The following PHKB variants were observed in gnomAD, a reference collection of about 807,000 sequenced individuals.
PHKB encodes phosphorylase kinase regulatory subunit beta, also known as phosphorylase b kinase regulatory subunit beta.
PHKB carries 122 observed loss-of-function variants against 152.1 expected under a neutral mutation model. The ratio of observed to expected loss-of-function variants is 0.80; its 90% CI spans 0.69 to 0.93. PHKB has a LOEUF of 0.93. Ranked by LOEUF, PHKB falls within the 40% of genes least tolerant of loss-of-function variation. The pLI is 0.00. For missense variants in PHKB, 1,304 were observed against 1,328.4 expected (o/e 0.98, Z 0.29); for synonymous variants, 436 against 464.9 (o/e 0.94, Z 0.80).
At chr16:47,535,282 G>A (rs1025398620) in intron 6 of PHKB, among the ~76,000 whole-genome samples, 3 of 152,204 alleles carry the variant, frequency 2.0e-5, no homozygotes, top group Non-Finnish European at 4.4e-5. Flanking sequence ...GAAATCATTT[G>A]TATAGTACCC....
intron 1 of PHKB, among the ~76,000 whole-genome samples, chr16:47,472,273 G>A (rs1266863654): frequency 6.6e-6 from 1 of 152,120 alleles, no homozygotes; most frequent in Non-Finnish European, 1.5e-5. Context: ...ATTTACCTCT[G>A]AACAGATAAT....
intron 6 of PHKB, among the ~76,000 whole-genome samples, chr16:47,522,810 TAC>T (rs1970707422): frequency 6.6e-6 from 1 of 151,982 alleles, no homozygotes; most frequent in Non-Finnish European, 1.5e-5. Flanking sequence ...TATTTAGTAG[TAC>T]AGTTTTTAAT....
At chr16:47,515,941 T>G (rs920653695) in intron 6 of PHKB, among the ~76,000 whole-genome samples, 2 of 151,920 alleles carry the variant, frequency 1.3e-5, no homozygotes, top group Admixed American at 1.3e-4. Flanking sequence ...CTTTTTTTTT[T>G]TTTTTGAGAT....
intron 20 of PHKB, among the ~76,000 whole-genome samples, chr16:47,652,625 TTTG>T (rs966162817): frequency 6.6e-6 from 1 of 151,888 alleles, no homozygotes; most frequent in Non-Finnish European, 1.5e-5. Context: ...GGTTGTTTTT[TTTG>T]TTGTTGTTGT....
chr16:47,698,514 C>G lies in PHKB; in HGVS notation c.3070C>G (p.Leu1024Val). Residue 1024 changes from leucine (L) to valine (V), a missense_variant, in exon 30 of 31, where the codon CTA becomes GTA. Physicochemically the swap from Leu to Val is conservative, Grantham distance 32 (BLOSUM62 1). Coordinates refer to ENST00000323584, the MANE Select transcript of PHKB (RefSeq NM_000293.3). ...PELEFQDKVD[L>V]DRLVKEAFNE... Reference sequence around the variant, plus strand: ...GCTAGAATTTCAAGACAAAGTAGATCTAGACAGACTGGTCAAAGAAGCATT... The same window carrying G: ...GCTAGAATTTCAAGACAAAGTAGATGTAGACAGACTGGTCAAAGAAGCATT... The G allele has an allele frequency of 6.2e-7, 1 of 1,608,138 alleles. No individual in the cohort carries two copies. The highest frequency in any genetic ancestry group is 1.1e-5 in the South Asian group (1 of 90,976).
rs971555098 is a variant in PHKB, at chr16:47,650,492, C to T, written c.1798-52C>T. The stretch of plus-strand genomic sequence containing the variant: ...TCTTTGGCACTCATGGTTGAGCATC[C>T]TGTTCATCTTAGATACTGTGCCATT... On this transcript the variant is annotated intron_variant, in intron 18 of 30. Coordinates refer to ENST00000323584, the MANE Select transcript of PHKB (RefSeq NM_000293.3). The T allele has an allele frequency of 2.9e-6, 3 of 1,033,830 alleles. No homozygotes were observed. The African/African-American group carries it at 4.7e-5, about 16-fold the overall frequency. 64.0% of individuals were successfully genotyped at this position (1,033,830 alleles called of 1,614,324 possible). A position where few individuals can be genotyped will look rare whatever the true frequency, so the allele number is the denominator to read the frequency against.
intron 1 of PHKB, among the ~76,000 whole-genome samples, chr16:47,464,921 G>A (rs1017233413): frequency 3.8e-4 from 58 of 152,180 alleles, no homozygotes; most frequent in African/African-American, 1.3e-3. Flanking sequence ...GCAAATGTGA[G>A]ATGAGCACCC....
chr16:47,568,769 T>C (rs1261467195), intron 7 of PHKB, among the ~76,000 whole-genome samples: 1 of 152,198 alleles, frequency 6.6e-6, no homozygotes, highest in Non-Finnish European at 1.5e-5. Flanking sequence ...ATCTTGATTA[T>C]ATTGTTGACT....
chr16:47,588,619 T>G (rs116974068), intron 9 of PHKB, among the ~76,000 whole-genome samples: 3,754 of 152,310 alleles, frequency 0.025, 65 homozygotes, highest in Non-Finnish European at 0.041. Flanking sequence ...CAAATTGTTG[T>G]GAAAAACTAA....
At chr16:47,678,899 T>G (rs1276347706) in intron 26 of PHKB, among the ~76,000 whole-genome samples, 2 of 152,226 alleles carry the variant, frequency 1.3e-5, no homozygotes, top group Non-Finnish European at 2.9e-5. Context: ...TTTTTATGGT[T>G]TTAGGTCTAA....
chr16:47,481,305 T>C (rs1969960150), intron 1 of PHKB, among the ~76,000 whole-genome samples: 1 of 152,226 alleles, frequency 6.6e-6, no homozygotes. Context: ...GGTCATATTT[T>C]ATTGGCGCTT....
chr16:47,550,043 G>C (rs1971243877), intron 7 of PHKB, among the ~76,000 whole-genome samples: 1 of 152,032 alleles, frequency 6.6e-6, no homozygotes, highest in East Asian at 1.9e-4. Flanking sequence ...ACTTGTCCAT[G>C]GTATAACACT....
chr16:47,621,658 G>A (rs1209221541), intron 14 of PHKB, among the ~76,000 whole-genome samples: 3 of 152,150 alleles, frequency 2.0e-5, no homozygotes, highest in South Asian at 4.1e-4. Context: ...AAAAACCCAA[G>A]CATGGGAGTG....
chr16:47,538,401 A>G (rs1048992872), intron 6 of PHKB, among the ~76,000 whole-genome samples: 1 of 152,166 alleles, frequency 6.6e-6, no homozygotes, highest in Non-Finnish European at 1.5e-5. Context: ...AAAATTTAAA[A>G]AAGTTTACTG....
At chr16:47,508,067 T>A (rs1970450694) in intron 4 of PHKB, among the ~76,000 whole-genome samples, 1 of 152,234 alleles carries the variant, frequency 6.6e-6, no homozygotes, top group South Asian at 2.1e-4. Context: ...GTCTCCCTTC[T>A]CCACTTCTAT....
intron 16 of PHKB, among the ~76,000 whole-genome samples, chr16:47,648,095 G>A (rs1973166694): frequency 6.6e-6 from 1 of 152,100 alleles, no homozygotes; most frequent in South Asian, 2.1e-4. Flanking sequence ...TTCATAAAAT[G>A]TATATAATCA....
intron 27 of PHKB, among the ~76,000 whole-genome samples, chr16:47,691,052 T>C (rs936794813): frequency 3.3e-5 from 5 of 152,092 alleles, no homozygotes; most frequent in African/African-American, 1.2e-4. Context: ...AGACCCCATC[T>C]CTATAAAAAT....
At chr16:47,570,355 G>A (rs147474359) in intron 7 of PHKB, among the ~76,000 whole-genome samples, 2 of 152,166 alleles carry the variant, frequency 1.3e-5, no homozygotes, top group Non-Finnish European at 2.9e-5. Flanking sequence ...GTTTTTGTCA[G>A]TTATTCCTTG....
chr16:47,504,162 G>A (rs1970371662), intron 4 of PHKB, among the ~76,000 whole-genome samples: 1 of 152,242 alleles, frequency 6.6e-6, no homozygotes, highest in Admixed American at 6.5e-5. Context: ...ATGGAACACA[G>A]TCTGGAGGAA....
Sources: allele counts gnomAD v4.1 joint callset (sites outside exome capture counted in the v4.1 genomes callset), GRCh38; gene constraint gnomAD v4.1.1; transcripts MANE v1.5; gene names NCBI Gene and HGNC (gene_info 2026-07-23, HGNC 2026-07-21).